RNPEP: variants seen among roughly 807,000 people sequenced by gnomAD.
RNPEP encodes aminopeptidase B.
RNPEP carries 57 observed loss-of-function variants against 70.1 expected under a neutral mutation model. That is an observed-to-expected ratio of 0.81 (90% CI 0.66 to 1.01). The LOEUF is 1.01. Ranked by LOEUF, RNPEP falls within the 50% of genes least tolerant of loss-of-function variation. RNPEP has a pLI of 0.00. For synonymous variants in RNPEP, 335 were observed against 357.4 expected (o/e 0.94, Z 0.71); for missense variants, 787 against 852.4 (o/e 0.92, Z 0.96).
rs202047990 is a variant in RNPEP, at chr1:202,001,609, C to G, written c.1318-50C>G. 9 of 1,481,538 alleles carry G rather than the reference C, an allele frequency of 6.1e-6. No homozygotes were observed. In the Admixed American group the frequency reaches 1.5e-4, roughly 25 times the overall value. The allele number at this position is 1,481,538 out of a possible 1,614,324, so 91.8% of individuals were successfully genotyped here. ...GGAGGACCCAGGACACAGAGGGACA[C>G]CACTCCCCACGGGGCCAGAGAGGGT... On this transcript the variant is annotated intron_variant, in intron 7 of 10. Coordinates refer to ENST00000295640, the MANE Select transcript of RNPEP (RefSeq NM_020216.4).
At chr1:202,003,507 T>C (rs1224762229) in intron 9 of RNPEP, 46 bp downstream of exon 9, 3 of 1,370,122 alleles carry the variant, frequency 2.2e-6, no homozygotes, top group Non-Finnish European at 3.1e-6. Context: ...CACAGCTTTA[T>C]GTCAGGGGCT....
rs377311493 is a variant in RNPEP at position 202,005,591 on chromosome 1, G to T, written c.1828G>T (p.Ala610Ser). 4 of 1,614,056 alleles carry T rather than the reference G, an allele frequency of 2.5e-6. No homozygotes were observed. The highest frequency in any genetic ancestry group is 8.5e-7 in the Non-Finnish European group (1 of 1,180,036). ...KQKYTLPLYH[A>S]MMGGSEVAQT... ...GAAGTATACACTTCCGCTGTACCAC[G>T]CAATGATGGGTGGCAGTGAGGTGGC... Residue 610 changes from alanine (A) to serine (S), a missense_variant, in exon 11 of 11, where the codon GCA becomes TCA. Physicochemically the swap from Ala to Ser is moderately conservative, Grantham distance 99 (BLOSUM62 1). Coordinates refer to ENST00000295640, the MANE Select transcript of RNPEP (RefSeq NM_020216.4).
intron 8 of RNPEP, among the ~76,000 whole-genome samples, chr1:202,002,503 G>A (rs956112557): frequency 6.6e-6 from 1 of 152,088 alleles, no homozygotes; most frequent in African/African-American, 2.4e-5. Context: ...AAGAAAAAAC[G>A]AAAAATGTCC....
chr1:202,003,048 C>G (rs1683895362), intron 8 of RNPEP, 189 bp from the exon 9 acceptor site: 2 of 576,028 alleles, frequency 3.5e-6, no homozygotes, highest in Admixed American at 3.2e-5. Flanking sequence ...CGAAACGGCA[C>G]AGTCTCTAGA....
intron 10 of RNPEP, among the ~76,000 whole-genome samples, chr1:202,005,293 C>T (rs528774768): frequency 6.6e-6 from 1 of 152,294 alleles, no homozygotes; most frequent in Admixed American, 6.5e-5. Flanking sequence ...TGTGTCCACC[C>T]AACTCATTCA....
intron 4 of RNPEP, among the ~76,000 whole-genome samples, chr1:201,997,011 G>A (rs1039166344): frequency 1.3e-5 from 2 of 152,104 alleles, no homozygotes; most frequent in African/African-American, 4.8e-5. Flanking sequence ...AACTCCATGT[G>A]ATGGAGCTGA....
intron 1 of RNPEP, among the ~76,000 whole-genome samples, chr1:201,985,837 CAGA>C (rs1683113715): frequency 6.6e-6 from 1 of 152,146 alleles, no homozygotes; most frequent in South Asian, 2.1e-4. Flanking sequence ...GGAAGCCATC[CAGA>C]ATTCCACATT....
intron 8 of RNPEP, among the ~76,000 whole-genome samples, chr1:202,002,290 A>G (rs1683857130): frequency 1.3e-5 from 2 of 151,196 alleles, no homozygotes; most frequent in South Asian, 4.2e-4. Context: ...CAGCCTCCCG[A>G]GTAGCTGGGA....
chr1:201,989,488 G>A lies in RNPEP; in HGVS notation c.694G>A (p.Ala232Thr). 6.2e-7 allele frequency: 1 copy of A among 1,614,178 alleles called. No homozygotes were observed. Among genetic ancestry groups the A allele is most frequent in the Middle Eastern group, 1.6e-4 (1 of 6,062 alleles). The change falls in exon 3 of 11, where the codon GCT becomes ACT. Residue 232 changes from alanine to threonine, a missense_variant. Transcript: ENST00000295640. ...TCAGCCCATCCCCTCCTATCTGATAGCTTTGGCCATCGGAGATCTGGTTTC... is the reference window on the plus strand; with the variant it reads ...TCAGCCCATCCCCTCCTATCTGATAACTTTGGCCATCGGAGATCTGGTTTC... ...MCQPIPSYLI[A>T]LAIGDLVSAE...
chr1:202,002,628 C>A (rs992202560), intron 8 of RNPEP, among the ~76,000 whole-genome samples: 2 of 152,212 alleles, frequency 1.3e-5, no homozygotes, highest in Non-Finnish European at 2.9e-5. Context: ...TAGGATTGGT[C>A]AGGACTTTAG....
chr1:202,005,797 G>GAT lies in RNPEP; in HGVS notation c.*82_*83dup. 2.0e-6 allele frequency: 3 copies of GAT among 1,508,380 alleles called. No homozygotes were observed. Among genetic ancestry groups the GAT allele is most frequent in the Non-Finnish European group, 2.7e-6 (3 of 1,091,910 alleles). 93.4% of individuals were successfully genotyped at this position (1,508,380 alleles called of 1,614,324 possible). A position where few individuals can be genotyped will look rare whatever the true frequency, so the allele number is the denominator to read the frequency against. On this transcript the variant is annotated 3_prime_UTR_variant, in exon 11 of 11. Transcript: ENST00000295640. The stretch of plus-strand genomic sequence containing the variant: ...GTTTGTTCCCAAATTCCTGTTCCCT[G>GAT]ATCAACTTCCTGGAGTTTATATCCC...
intron 6 of RNPEP, 135 bp from the exon 7 acceptor site, chr1:202,001,238 CCTT>C (rs1683792838): frequency 2.2e-5 from 14 of 641,646 alleles, no homozygotes; most frequent in Non-Finnish European, 3.1e-5. Context: ...GATCTGGACA[CCTT>C]CTTGGCCTTG....
chr1:201,991,950 C>T (rs1276026184), intron 3 of RNPEP, among the ~76,000 whole-genome samples: 1 of 152,140 alleles, frequency 6.6e-6, no homozygotes, highest in Non-Finnish European at 1.5e-5. Flanking sequence ...TTTCCTGTCA[C>T]ATCATCTTTG....
In RNPEP at chr1:201,997,306, C is replaced by G; in HGVS notation, c.855-13C>G. The G allele has an allele frequency of 6.2e-7, 1 of 1,610,044 alleles. No individual in the cohort carries two copies. On this transcript the variant is annotated splice_polypyrimidine_tract_variant and intron_variant, in intron 4 of 10. Coordinates refer to ENST00000295640, the MANE Select transcript of RNPEP (RefSeq NM_020216.4). ...AGCCAGGGCCTCTTGGTGACCTCCC[C>G]GCTTCTCGGCAGGTATGACTTGCTC...
At chr1:201,989,079 G>T (rs1005021896) in intron 2 of RNPEP, 35 bp downstream of exon 2, 6 of 1,595,346 alleles carry the variant, frequency 3.8e-6, no homozygotes, top group South Asian at 1.1e-5. Context: ...CCTGCCCTTG[G>T]GATGAAGAAA....
chr1:201,984,817 CTTTCTTTTTTTTTTTT>C (rs1477495986), intron 1 of RNPEP, among the ~76,000 whole-genome samples: 1 of 15,228 alleles, frequency 6.6e-5, no homozygotes, highest in African/African-American at 2.7e-4. Context: ...TTTTGTATTT[CTTTCTTTTTTTTTTTT>C]TTTTTTTTTT....
At chr1:201,990,864 G>A (rs564127674) in intron 3 of RNPEP, among the ~76,000 whole-genome samples, 2 of 152,266 alleles carry the variant, frequency 1.3e-5, no homozygotes, top group South Asian at 4.1e-4. Context: ...AAGGAACGTC[G>A]TTTCCAAGAA....
At chr1:201,987,503 T>C (rs1049087778) in intron 1 of RNPEP, among the ~76,000 whole-genome samples, 14 of 149,212 alleles carry the variant, frequency 9.4e-5, no homozygotes, top group Non-Finnish European at 2.1e-4. Flanking sequence ...AGTGGCATGA[T>C]CTCAGCTCAC....
chr1:201,987,174 C>T (rs1024127192), intron 1 of RNPEP, among the ~76,000 whole-genome samples: 5 of 152,116 alleles, frequency 3.3e-5, no homozygotes, highest in Non-Finnish European at 7.4e-5. Flanking sequence ...TATGCCTCTC[C>T]TCATGTTGCT....
Sources: allele counts gnomAD v4.1 joint callset (sites outside exome capture counted in the v4.1 genomes callset), GRCh38; gene constraint gnomAD v4.1.1; transcripts MANE v1.5; gene names NCBI Gene and HGNC (gene_info 2026-07-23, HGNC 2026-07-21).